Variants in ICE2 observed in about 807,000 individuals in gnomAD.
The protein encoded by ICE2 is little elongation complex subunit 2.
In ICE2, 87 loss-of-function variants were observed where a neutral mutation model predicts 105.4. The ratio of observed to expected loss-of-function variants is 0.83; its 90% CI spans 0.69 to 0.99. The LOEUF (loss-of-function observed/expected upper bound fraction) is 0.99. Ranked by LOEUF, ICE2 falls within the 50% of genes least tolerant of loss-of-function variation. The probability of loss-of-function intolerance (pLI) is 0.00; values close to 1 mark genes in which losing one functional copy is unlikely to be tolerated. For synonymous variants in ICE2, 399 were observed against 392.0 expected (o/e 1.02, Z -0.21); for missense variants, 1,323 against 1,146.7 (o/e 1.15, Z -2.22).
In ICE2 at chr15:60,468,417, C is replaced by T. The variant is rs1211688033; in HGVS notation, c.147-95G>A. 14 of 955,460 alleles carry T rather than the reference C, an allele frequency of 1.5e-5. No homozygotes were observed. The African/African-American group carries it at 1.5e-4, about 10-fold the overall frequency. The allele number at this position is 955,460 out of a possible 1,614,324, so 59.2% of individuals were successfully genotyped here. ...TTCTCAATCACCAGGGAGAATATAG[C>T]GTGATTAACAGAGTAAACTCTGGAT... On this transcript the variant is annotated intron_variant, in intron 3 of 15. Transcript: ENST00000261520.
chr15:60,470,771 C>T (rs1460969728), intron 3 of ICE2, among the ~76,000 whole-genome samples: 1 of 151,948 alleles, frequency 6.6e-6, no homozygotes, highest in Admixed American at 6.6e-5. Context: ...ATGCAGTAGT[C>T]TATGAGTTTA....
At chr15:60,440,588 A>T (rs981069503) in intron 12 of ICE2, 5 of 152,200 alleles carry the variant, frequency 3.3e-5, no homozygotes, top group African/African-American at 9.7e-5. Context: ...CTAAACTAGC[A>T]GCATCAGTAC....
Position 60,456,736 on chromosome 15 carries a change from TG to T in ICE2, c.586del (p.His196ThrfsTer6). ...GAATCCCATTAAGCTGGTGACCTCG[TG>T]GAGAGTATAGAATTCTGAATACTTT... is the stretch of plus-strand genomic sequence containing the variant. ...VKKYSEFYTL[H>X]EVTSLMGFFP... On this transcript the variant is annotated frameshift_variant, in exon 6 of 16. Coordinates refer to ENST00000261520, the MANE Select transcript of ICE2 (RefSeq NM_024611.6). LOFTEE classifies it high-confidence loss of function. The T allele has an allele frequency of 6.3e-7, 1 of 1,586,074 alleles. No homozygotes were observed. Among genetic ancestry groups the T allele is most frequent in the South Asian group, 1.1e-5 (1 of 87,450 alleles).
rs542400631 is a variant in ICE2 at position 60,468,486 on chromosome 15, A to G, written c.147-164T>C. ...CCTGCATTTTGATGTTTAGCCATTT[A>G]AAGTAGATTAAGTATTCTGTGGCAT... On this transcript the variant is annotated intron_variant, in intron 3 of 15. Coordinates refer to ENST00000261520, the MANE Select transcript of ICE2 (RefSeq NM_024611.6). Among the ~76,000 whole-genome samples, 259 of 152,346 alleles carry G rather than the reference A, an allele frequency of 1.7e-3. 1 individual carries two copies. The highest frequency in any genetic ancestry group is 6.0e-3 in the African/African-American group (249 of 41,578).
At position 60,423,771 on chromosome 15, in the gene ICE2, T is replaced by C. The variant is rs2063278825; in HGVS notation, c.2821-9A>G. On this transcript the variant is annotated splice_polypyrimidine_tract_variant and intron_variant, in intron 15 of 15. Transcript: ENST00000261520. ...ATTCTCGTTCCACCAATCTAAGAGA[T>C]GAAGCAGAGAACAGAATAGCTTAAT... 1 of 1,576,638 alleles carries C rather than the reference T, an allele frequency of 6.3e-7. No homozygotes were observed. Among genetic ancestry groups the C allele is most frequent in the African/African-American group, 1.4e-5 (1 of 72,804 alleles).
Position 60,456,795 on chromosome 15 carries a change from C to A in ICE2, c.529-1G>T. ...GTTCAATGCAAGCTCTTAAAATTTT[C>A]TGAGAAACAGAAATTAAGAAAAATT... On this transcript the variant is annotated splice_acceptor_variant, in intron 5 of 15. Transcript: ENST00000261520. LOFTEE classifies it high-confidence loss of function. 1 of 1,465,712 alleles carries A rather than the reference C, an allele frequency of 6.8e-7. No individual in the cohort carries two copies. The highest frequency in any genetic ancestry group is 1.5e-5 in the South Asian group (1 of 68,664). The allele number at this position is 1,465,712 out of a possible 1,614,324, so 90.8% of individuals were successfully genotyped here. A position where few individuals can be genotyped will look rare whatever the true frequency, so the allele number is the denominator to read the frequency against.
chr15:60,434,520 TACACACACACACACACACAC>T (rs71122858), intron 13 of ICE2, among the ~76,000 whole-genome samples: 36,744 of 144,874 alleles, frequency 0.25, 5,869 homozygotes, highest in East Asian at 0.67. Flanking sequence ...AAAATGTGAT[TACACACACACACACACACAC>T]ACACACACAC....
chr15:60,476,271 C>G (rs1382292877), intron 2 of ICE2, 104 bp from the exon 3 acceptor site: 2 of 667,136 alleles, frequency 3.0e-6, no homozygotes, highest in Non-Finnish European at 5.3e-6. Flanking sequence ...ACCTTCTTAC[C>G]CCCCCATCCC....
chr15:60,466,637 T>C lies in ICE2; in HGVS notation c.485A>G (p.Gln162Arg). The C allele has an allele frequency of 6.2e-7, 1 of 1,611,992 alleles. No individual in the cohort carries two copies. The highest frequency in any genetic ancestry group is 8.5e-7 in the Non-Finnish European group (1 of 1,179,790). Reference protein sequence around the residue: ...FLQNSAKKCAQDYNMLSDDAR... With the variant: ...FLQNSAKKCARDYNMLSDDAR... ...ATCATCAGAAAGCATATTATAATCC[T>C]GCGCACATTTCTTTGCAGAATTCTG... is the stretch of plus-strand genomic sequence containing the variant. The change falls in exon 5 of 16, where the codon CAG becomes CGG. Residue 162 changes from glutamine (Q) to arginine (R), a missense_variant. Coordinates refer to ENST00000261520, the MANE Select transcript of ICE2 (RefSeq NM_024611.6).
intron 10 of ICE2, 49 bp from the exon 11 acceptor site, chr15:60,448,194 T>A (rs1318692948): frequency 8.2e-7 from 1 of 1,212,952 alleles, no homozygotes; most frequent in South Asian, 1.4e-5. Flanking sequence ...CTCTTACCCA[T>A]CATAAGCAAG....
chr15:60,463,634 G>A (rs1051775239), intron 5 of ICE2, among the ~76,000 whole-genome samples: 4 of 152,198 alleles, frequency 2.6e-5, no homozygotes, highest in South Asian at 2.1e-4. Flanking sequence ...TTAGCTGGGC[G>A]TGGTGGCAGG....
intron 15 of ICE2, among the ~76,000 whole-genome samples, chr15:60,425,134 G>A (rs546527870): frequency 1.3e-5 from 2 of 152,150 alleles, no homozygotes; most frequent in Non-Finnish European, 2.9e-5. Flanking sequence ...GAAAAAGCTC[G>A]GACTCTGGCT....
chr15:60,475,420 A>G (rs1203108665), intron 3 of ICE2, among the ~76,000 whole-genome samples: 3 of 152,186 alleles, frequency 2.0e-5, no homozygotes, highest in African/African-American at 4.8e-5. Flanking sequence ...TCTTACAGAA[A>G]TAACTATAAA....
chr15:60,428,592 T>C lies in ICE2; in HGVS notation c.2657A>G (p.Tyr886Cys), dbSNP rs745911471. The change falls in exon 15 of 16, where the codon TAC becomes TGC. Residue 886 changes from tyrosine (Y) to cysteine (C), a missense_variant. Tyr to Cys is a radical substitution (Grantham distance 194, BLOSUM62 -2). Coordinates refer to ENST00000261520, the MANE Select transcript of ICE2 (RefSeq NM_024611.6). ...ASDGKVTRTA[Y>C]NLYKTHCGLP... ...GCCGCAATGTGTTTTATACAAATTG[T>C]ATGCTGTCCTAGTAACTTTTCCATC... 1.2e-6 allele frequency: 2 copies of C among 1,614,134 alleles called. No individual in the cohort carries two copies. Among genetic ancestry groups the C allele is most frequent in the Non-Finnish European group, 1.7e-6 (2 of 1,179,996 alleles).
chr15:60,428,345 C>T lies in ICE2; in HGVS notation c.2820+84G>A, dbSNP rs1198180235. The stretch of plus-strand genomic sequence containing the variant: ...GCTGTGATTAATATGACAATGAGAA[C>T]ATCAGGGTGAAATACGGTAAAGTCA... On this transcript the variant is annotated intron_variant, in intron 15 of 15. Coordinates refer to ENST00000261520, the MANE Select transcript of ICE2 (RefSeq NM_024611.6). 42 of 1,372,696 alleles carry T rather than the reference C, an allele frequency of 3.1e-5. No homozygotes were observed. In the East Asian group the frequency reaches 8.9e-4, roughly 29 times the overall value. 85.0% of individuals were successfully genotyped at this position (1,372,696 alleles called of 1,614,324 possible).
chr15:60,465,908 C>T (rs140482193), intron 5 of ICE2, among the ~76,000 whole-genome samples: 4 of 151,970 alleles, frequency 2.6e-5, no homozygotes, highest in Non-Finnish European at 5.9e-5. Flanking sequence ...CCCACCACCA[C>T]GACTGGCTAA....
At chr15:60,458,783 G>A (rs2064195902) in intron 5 of ICE2, among the ~76,000 whole-genome samples, 1 of 151,896 alleles carries the variant, frequency 6.6e-6, no homozygotes, top group Non-Finnish European at 1.5e-5. Context: ...GCCTTAAAAA[G>A]GAAAGAAATT....
chr15:60,469,421 C>T (rs1189349367), intron 3 of ICE2, among the ~76,000 whole-genome samples: 3 of 151,968 alleles, frequency 2.0e-5, no homozygotes, highest in African/African-American at 7.3e-5. Flanking sequence ...CAAACCAGCG[C>T]ATCCTGCACA....
chr15:60,471,739 T>C (rs1055711228), intron 3 of ICE2, among the ~76,000 whole-genome samples: 4 of 152,036 alleles, frequency 2.6e-5, no homozygotes, highest in African/African-American at 9.7e-5. Flanking sequence ...GTTTTGCCCC[T>C]GCATTTTGTC....
Sources: gnomAD v4.1 joint callset for allele counts (sites outside exome capture counted in the v4.1 genomes callset) on GRCh38, gnomAD v4.1.1 for gene constraint, MANE v1.5 for transcripts, NCBI Gene and HGNC (gene_info 2026-07-23, HGNC 2026-07-21) for gene names.